The following DGKB variants were observed in gnomAD, a reference collection of about 807,000 sequenced individuals.
DGKB encodes the protein diacylglycerol kinase beta.
A neutral mutation model predicts 114.3 loss-of-function variants in DGKB; 67 were observed. The observed-to-expected ratio is 0.59, with a 90% CI of 0.48 to 0.72. The LOEUF (loss-of-function observed/expected upper bound fraction) is 0.72, where lower values mean the gene tolerates loss of function less well. Ranked by LOEUF, DGKB falls within the 30% of genes least tolerant of loss-of-function variation. The pLI is 0.00. For synonymous variants in DGKB, 398 were observed against 323.1 expected, an observed-to-expected ratio of 1.23 and a Z score of -2.49; for missense variants, 907 against 975.2, an observed-to-expected ratio of 0.93 and a Z score of 0.93.
intron 2 of DGKB, among the ~76,000 whole-genome samples, chr7:14,790,514 G>A (rs929554393): frequency 2.6e-5 from 4 of 151,492 alleles, no homozygotes; most frequent in African/African-American, 4.9e-5. Context: ...GTTGTTGGCT[G>A]GTTTATTTAT....
chr7:14,665,140 T>A (rs187091592), intron 13 of DGKB, among the ~76,000 whole-genome samples: 356 of 152,044 alleles, frequency 2.3e-3, no homozygotes, highest in African/African-American at 7.6e-3. Flanking sequence ...TATAAAATAT[T>A]GATATTGATA....
chr7:14,658,406 G>A (rs1455388484), intron 13 of DGKB, among the ~76,000 whole-genome samples: 1 of 151,896 alleles, frequency 6.6e-6, no homozygotes, highest in Non-Finnish European at 1.5e-5. Context: ...GGTTATCAGA[G>A]GATGGGAAGA....
chr7:14,582,999 G>A, intron 18 of DGKB, 53 bp downstream of exon 18: 1 of 1,134,058 alleles, frequency 8.8e-7, no homozygotes, highest in Non-Finnish European at 1.3e-6. Flanking sequence ...GATGAAACAG[G>A]ATTTAAAGCT....
At chr7:14,634,378 T>C (rs1810328775) in intron 13 of DGKB, among the ~76,000 whole-genome samples, 2 of 151,312 alleles carry the variant, frequency 1.3e-5, no homozygotes, top group Admixed American at 1.3e-4. Flanking sequence ...AAATTACTAT[T>C]TTTAGCCTTG....
chr7:14,682,020 C>G (rs1820921398), intron 12 of DGKB, among the ~76,000 whole-genome samples: 1 of 150,750 alleles, frequency 6.6e-6, no homozygotes, highest in Non-Finnish European at 1.5e-5. Flanking sequence ...ACTTGCCCTT[C>G]TATCTAGTCA....
intron 20 of DGKB, among the ~76,000 whole-genome samples, chr7:14,507,248 G>T (rs1180955308): frequency 6.6e-6 from 1 of 151,930 alleles, no homozygotes; most frequent in Non-Finnish European, 1.5e-5. Flanking sequence ...TGTATTTTTT[G>T]ATGCTTTTTA....
intron 23 of DGKB, among the ~76,000 whole-genome samples, chr7:14,180,900 T>C (rs112295912): frequency 2.1e-3 from 327 of 152,336 alleles, no homozygotes; most frequent in African/African-American, 7.5e-3. Context: ...TGGGATGGCC[T>C]AACCAGCTAG....
At chr7:14,271,893 A>G (rs542313159) in intron 23 of DGKB, among the ~76,000 whole-genome samples, 1 of 152,214 alleles carries the variant, frequency 6.6e-6, no homozygotes, top group Non-Finnish European at 1.5e-5. Context: ...AACAAAACCC[A>G]ACATTTTGCT....
At chr7:14,475,809 TCA>T (rs1316629217) in intron 21 of DGKB, among the ~76,000 whole-genome samples, 1 of 152,094 alleles carries the variant, frequency 6.6e-6, no homozygotes, top group Non-Finnish European at 1.5e-5. Flanking sequence ...GTGAGGAATG[TCA>T]CAAATTAGTA....
intron 21 of DGKB, among the ~76,000 whole-genome samples, chr7:14,364,298 A>T (rs1158045581): frequency 6.6e-6 from 1 of 151,994 alleles, no homozygotes; most frequent in Admixed American, 6.6e-5. Context: ...ACTCACAATA[A>T]AATTATTGCC....
chr7:14,595,328 G>C (rs547022049), intron 17 of DGKB, among the ~76,000 whole-genome samples: 1 of 152,096 alleles, frequency 6.6e-6, no homozygotes, highest in South Asian at 2.1e-4. Flanking sequence ...CATCAAGTTA[G>C]AGAATAAAAA....
intron 20 of DGKB, among the ~76,000 whole-genome samples, chr7:14,568,420 T>C (rs983074612): frequency 1.3e-5 from 2 of 152,260 alleles, no homozygotes; most frequent in Admixed American, 6.5e-5. Flanking sequence ...TACAATTATG[T>C]GCAGGCAAGT....
chr7:14,327,656 C>T (rs1031030261), intron 23 of DGKB, among the ~76,000 whole-genome samples: 3 of 152,040 alleles, frequency 2.0e-5, no homozygotes, highest in Non-Finnish European at 4.4e-5. Flanking sequence ...CATTTTCCTA[C>T]TTTTAGACTG....
intron 13 of DGKB, among the ~76,000 whole-genome samples, chr7:14,641,991 TTTTG>T (rs1221718611): frequency 2.0e-5 from 3 of 152,098 alleles, no homozygotes; most frequent in Admixed American, 6.5e-5. Flanking sequence ...CAATTTAGTT[TTTTG>T]TTTGTTTGTC....
chr7:14,787,694 A>G (rs1216175865), intron 2 of DGKB, among the ~76,000 whole-genome samples: 1 of 152,228 alleles, frequency 6.6e-6, no homozygotes, highest in African/African-American at 2.4e-5. Flanking sequence ...CTGACAAGAA[A>G]TAATGTGGGC....
chr7:14,470,742 T>C (rs1038759629), intron 21 of DGKB, among the ~76,000 whole-genome samples: 8 of 151,736 alleles, frequency 5.3e-5, no homozygotes, highest in Non-Finnish European at 8.9e-5. Context: ...ATGAAATTGA[T>C]TGGATGCCAA....
intron 20 of DGKB, among the ~76,000 whole-genome samples, chr7:14,527,529 C>T (rs1392110186): frequency 6.6e-6 from 1 of 151,950 alleles, no homozygotes; most frequent in East Asian, 1.9e-4. Context: ...ACACCAAGAA[C>T]ATTAGAGTTA....
At chr7:14,950,191 T>C (rs969821677) in intron 1 of DGKB, among the ~76,000 whole-genome samples, 9 of 151,884 alleles carry the variant, frequency 5.9e-5, no homozygotes, top group East Asian at 3.9e-4. Context: ...TGAAAGCAGA[T>C]AGAAAAACAT....
intron 23 of DGKB, among the ~76,000 whole-genome samples, chr7:14,211,093 CCTA>C (rs1787702627): frequency 6.6e-6 from 1 of 152,006 alleles, no homozygotes; most frequent in African/African-American, 2.4e-5. Context: ...ACTGTGTTCT[CCTA>C]CTCACCTCTC....
Sources: gnomAD v4.1 joint callset for allele counts (sites outside exome capture counted in the v4.1 genomes callset) on GRCh38, gnomAD v4.1.1 for gene constraint, MANE v1.5 for transcripts, NCBI Gene and HGNC (gene_info 2026-07-23, HGNC 2026-07-21) for gene names.